ARHGAP40: variants seen among roughly 807,000 people sequenced by gnomAD.
ARHGAP40 encodes the protein rho GTPase-activating protein 40.
A neutral mutation model predicts 73.5 loss-of-function variants in ARHGAP40; 43 were observed. That is an observed-to-expected ratio of 0.58 (90% CI 0.46 to 0.75). The LOEUF is 0.75. Ranked by LOEUF, ARHGAP40 falls within the 30% of genes least tolerant of loss-of-function variation. ARHGAP40 has a pLI of 0.00. For missense variants in ARHGAP40, 734 were observed against 861.8 expected, an observed-to-expected ratio of 0.85 and a Z score of 1.86; for synonymous variants, 300 against 352.8, an observed-to-expected ratio of 0.85 and a Z score of 1.68.
At chr20:38,649,674 A>T in intron 14 of ARHGAP40, 83 bp from the exon 15 acceptor site, 1 of 837,278 alleles carries the variant, frequency 1.2e-6, no homozygotes, top group Non-Finnish European at 1.8e-6. Context: ...GGGACAGTGC[A>T]CTGCCTGGTG....
intron 1 of ARHGAP40, among the ~76,000 whole-genome samples, chr20:38,622,857 C>T (rs918228562): frequency 2.6e-5 from 4 of 152,146 alleles, no homozygotes; most frequent in African/African-American, 4.8e-5. Flanking sequence ...GATCAGGTAC[C>T]TGCTCTGTTC....
intron 5 of ARHGAP40, among the ~76,000 whole-genome samples, chr20:38,631,644 C>G (rs1457202552): frequency 2.0e-5 from 3 of 152,258 alleles, no homozygotes; most frequent in African/African-American, 7.2e-5. Flanking sequence ...GGGACATAGC[C>G]AAACCATATC....
exon 13 of ARHGAP40, chr20:38,647,103 G>A (rs1178548290): frequency 1.5e-6 from 2 of 1,304,844 alleles, no homozygotes; most frequent in Admixed American, 4.6e-5. Context: ...AAGACAGTGA[G>A]GACATGGACA....
At chr20:38,649,653 C>T in intron 14 of ARHGAP40, 104 bp from the exon 15 acceptor site, 3 of 596,858 alleles carry the variant, frequency 5.0e-6, no homozygotes, top group South Asian at 1.6e-5. Flanking sequence ...AGTCAAGATG[C>T]ATACAGCCAG....
chr20:38,615,378 G>A (rs111830062), intron 1 of ARHGAP40: 25 of 745,966 alleles, frequency 3.4e-5, no homozygotes, highest in African/African-American at 2.2e-4. Context: ...AAAGGCCCCA[G>A]GTACCCACCC....
At chr20:38,637,750 C>G in exon 7 of ARHGAP40, 1 of 1,305,334 alleles carries the variant, frequency 7.7e-7, no homozygotes, top group Non-Finnish European at 1.0e-6. Flanking sequence ...CTGCTAGAAG[C>G]TGACCACAAA....
intron 5 of ARHGAP40, among the ~76,000 whole-genome samples, chr20:38,631,252 A>T (rs1255385738): frequency 6.7e-6 from 1 of 149,450 alleles, no homozygotes; most frequent in Non-Finnish European, 1.5e-5. Flanking sequence ...TTGAAGCTGC[A>T]GTGAGCTATG....
At chr20:38,613,422 C>G (rs1447056945) in intron 1 of ARHGAP40, among the ~76,000 whole-genome samples, 1 of 152,200 alleles carries the variant, frequency 6.6e-6, no homozygotes, top group Admixed American at 6.5e-5. Context: ...ATACTCCTGG[C>G]TTTCCAACCC....
At position 38,629,498 on chromosome 20, in the gene ARHGAP40, G is replaced by T; in HGVS notation, c.635-4G>T. ...TTCTCTGCTTTGTTTCCCCCGCCCC[G>T]CAGCAGCAGAGCCTGGGGGGCTGCA... is the stretch of plus-strand genomic sequence containing the variant. On this transcript the variant is annotated splice_region_variant and splice_polypyrimidine_tract_variant and intron_variant, in intron 4 of 14. Coordinates refer to ENST00000373345, the Ensembl canonical transcript of ARHGAP40. 7.7e-7 allele frequency: 1 copy of T among 1,305,244 alleles called. No individual in the cohort carries two copies. 80.9% of individuals were successfully genotyped at this position (1,305,244 alleles called of 1,614,324 possible).
At chr20:38,640,405 G>A (rs1371733006) in intron 9 of ARHGAP40, among the ~76,000 whole-genome samples, 1 of 151,692 alleles carries the variant, frequency 6.6e-6, no homozygotes, top group African/African-American at 2.4e-5. Flanking sequence ...TTTTTTTGTA[G>A]TGACGGGGGT....
rs150134869 is a variant in ARHGAP40, at chr20:38,611,037, C to T, written c.137+8958C>T. ...TCCGAGTAGCTGGGATTACAGGCAC[C>T]CACCACCACACCTGGATAATTTTTG... On this transcript the variant is annotated intron_variant, in intron 1 of 14. Coordinates refer to ENST00000373345, the Ensembl canonical transcript of ARHGAP40. Among the ~76,000 whole-genome samples the T allele has an allele frequency of 2.6e-3, 395 of 151,972 alleles. 2 individuals are homozygous for T. Among genetic ancestry groups the T allele is most frequent in the African/African-American group, 8.9e-3 (370 of 41,470 alleles).
rs2088884404 is a variant in ARHGAP40, at chr20:38,623,497, C to T, written c.276C>T (p.Ile92=). The change falls in exon 2 of 15, where the codon ATC becomes ATT. Residue 92 remains isoleucine (I), a synonymous_variant. Coordinates refer to ENST00000373345, the Ensembl canonical transcript of ARHGAP40. ...GCTTTTGGATGGAGGTGGAACAGAT[C>T]CAACAGAGAGATGAGCTGAGGGAAG... 4.6e-6 allele frequency: 6 copies of T among 1,290,814 alleles called. No individual in the cohort carries two copies. In the African/African-American group the frequency reaches 6.1e-5, roughly 13 times the overall value. The allele number at this position is 1,290,814 out of a possible 1,614,324, so 80.0% of individuals were successfully genotyped here.
At chr20:38,645,926 A>C in intron 11 of ARHGAP40, 121 bp from the exon 12 acceptor site, 1 of 962,448 alleles carries the variant, frequency 1.0e-6, no homozygotes, top group South Asian at 1.9e-5. Context: ...CAACAAATGC[A>C]TATTTCCAAG....
At chr20:38,621,134 G>A (rs1300776345) in intron 1 of ARHGAP40, among the ~76,000 whole-genome samples, 1 of 152,238 alleles carries the variant, frequency 6.6e-6, no homozygotes, top group East Asian at 1.9e-4. Flanking sequence ...TAGGCTGAGG[G>A]CAAAATACAA....
intron 13 of ARHGAP40, 56 bp downstream of exon 13, chr20:38,647,182 C>T (rs772286261): frequency 3.2e-6 from 4 of 1,251,926 alleles, no homozygotes; most frequent in Non-Finnish European, 4.2e-6. Context: ...GGCTCTGCAC[C>T]CCAGAGCTGA....
chr20:38,611,978 C>G (rs531199986), intron 1 of ARHGAP40, among the ~76,000 whole-genome samples: 11 of 152,240 alleles, frequency 7.2e-5, no homozygotes, highest in African/African-American at 2.6e-4. Flanking sequence ...CCTGCCTCAG[C>G]CTCCCAAAAC....
At chr20:38,650,178 C>T (rs1259555644) in exon 15 of ARHGAP40, 1 of 372,410 alleles carries the variant, frequency 2.7e-6, no homozygotes, top group Non-Finnish European at 5.3e-6. Flanking sequence ...TCCCCTCCAC[C>T]CTCCAGCCCT....
intron 2 of ARHGAP40, 87 bp from the exon 3 acceptor site, chr20:38,626,908 T>C: frequency 9.6e-7 from 1 of 1,042,042 alleles, no homozygotes; most frequent in South Asian, 1.5e-5. Context: ...TCCAGGTGAG[T>C]GTGTGCTTCT....
intron 3 of ARHGAP40, 56 bp downstream of exon 3, chr20:38,627,271 G>T: frequency 7.8e-7 from 1 of 1,276,072 alleles, no homozygotes; most frequent in Non-Finnish European, 1.0e-6. Flanking sequence ...CTGTGCTGCC[G>T]CCACAGCCTG....
Sources: allele counts gnomAD v4.1 joint callset (sites outside exome capture counted in the v4.1 genomes callset), GRCh38; gene constraint gnomAD v4.1.1; transcripts MANE v1.5; gene names NCBI Gene and HGNC (gene_info 2026-07-23, HGNC 2026-07-21).